The following PTPRT variants were observed in gnomAD, a reference collection of about 807,000 sequenced individuals.
PTPRT encodes the protein receptor-type tyrosine-protein phosphatase T.
In PTPRT, 56 loss-of-function variants were observed where a neutral mutation model predicts 176.8. The ratio of observed to expected loss-of-function variants is 0.32; its 90% CI spans 0.26 to 0.40. The LOEUF is 0.40. PTPRT is among the 10% of genes least tolerant of loss of function. The pLI is 1.00. For missense variants in PTPRT, 1,540 were observed against 1,908.2 expected (o/e 0.81, Z 3.60); for synonymous variants, 783 against 739.0 (o/e 1.06, Z -0.96).
At chr20:43,031,951 T>C (rs533473371) in intron 1 of PTPRT, among the ~76,000 whole-genome samples, 1 of 152,178 alleles carries the variant, frequency 6.6e-6, no homozygotes, top group Admixed American at 6.5e-5. Flanking sequence ...CCTGCCCCAG[T>C]CAAGGCAGAA....
chr20:42,975,921 C>T (rs1210864420), intron 1 of PTPRT, among the ~76,000 whole-genome samples: 1 of 148,960 alleles, frequency 6.7e-6, no homozygotes, highest in East Asian at 1.9e-4. Context: ...AACTTACCCC[C>T]CCACCAAAAA....
At chr20:42,383,777 T>C (rs1386846896) in intron 9 of PTPRT, among the ~76,000 whole-genome samples, 1 of 152,184 alleles carries the variant, frequency 6.6e-6, no homozygotes, top group African/African-American at 2.4e-5. Flanking sequence ...AGATGTGACA[T>C]CTTGAGTTTA....
At chr20:42,647,700 AAGGCTGG>A (rs147176552) in intron 7 of PTPRT, among the ~76,000 whole-genome samples, 1 of 152,270 alleles carries the variant, frequency 6.6e-6, no homozygotes, top group East Asian at 1.9e-4. Context: ...TGGGAGACAC[AAGGCTGG>A]AGGATGTGTC....
intron 4 of PTPRT, among the ~76,000 whole-genome samples, chr20:42,777,302 C>T (rs150257877): frequency 5.3e-5 from 8 of 152,284 alleles, no homozygotes; most frequent in Admixed American, 5.2e-4. Flanking sequence ...GCCCTGTATG[C>T]TCAGGACATG....
intron 7 of PTPRT, among the ~76,000 whole-genome samples, chr20:42,553,069 C>T (rs946750294): frequency 1.3e-5 from 2 of 152,068 alleles, no homozygotes; most frequent in Non-Finnish European, 2.9e-5. Context: ...TTTCACTTGG[C>T]AACTCTACTT....
At chr20:43,022,794 G>T (rs1568738595) in intron 1 of PTPRT, among the ~76,000 whole-genome samples, 1 of 152,208 alleles carries the variant, frequency 6.6e-6, no homozygotes, top group African/African-American at 2.4e-5. Context: ...CTGTGTGGGA[G>T]GGTGAGATGC....
At chr20:42,714,889 T>G in intron 6 of PTPRT, among the ~76,000 whole-genome samples, 1 of 152,130 alleles carries the variant, frequency 6.6e-6, no homozygotes, top group East Asian at 1.9e-4. Flanking sequence ...TTGGCTGGCC[T>G]GCATATTTGC....
chr20:42,406,282 A>G lies in PTPRT; in HGVS notation c.1560+41938T>C, dbSNP rs534642095. On this transcript the variant is annotated intron_variant, in intron 9 of 30. Coordinates refer to ENST00000373187, the MANE Select transcript of PTPRT (RefSeq NM_007050.6). The stretch of plus-strand genomic sequence containing the variant: ...ATCAAAGGTCGTCCTTTGAAAAAAC[A>G]TGGTACATTTGGTGAAGCAAATGAA... 7.9e-5 allele frequency among the ~76,000 whole-genome samples: 12 copies of G among 152,206 alleles called. No individual in the cohort carries two copies. In the South Asian group the frequency reaches 1.9e-3, roughly 24 times the overall value.
intron 7 of PTPRT, among the ~76,000 whole-genome samples, chr20:42,618,729 T>G (rs1191470556): frequency 8.2e-5 from 11 of 134,498 alleles, no homozygotes; most frequent in African/African-American, 3.5e-4. Context: ...TTTGTTGGTT[T>G]AAAGTCTGTT....
At chr20:43,013,624 A>G (rs1000044698) in intron 1 of PTPRT, among the ~76,000 whole-genome samples, 1 of 152,204 alleles carries the variant, frequency 6.6e-6, no homozygotes, top group African/African-American at 2.4e-5. Flanking sequence ...CACAGAGACA[A>G]CAGCAATTCA....
At chr20:42,086,254 T>G (rs965900098) in intron 27 of PTPRT, among the ~76,000 whole-genome samples, 1 of 152,164 alleles carries the variant, frequency 6.6e-6, no homozygotes, top group Non-Finnish European at 1.5e-5. Flanking sequence ...CAAGCTTTTT[T>G]TATGGCTGGA....
intron 1 of PTPRT, among the ~76,000 whole-genome samples, chr20:42,984,864 G>GAATGAATGCATAGCATGTGGTAA (rs1167494783): frequency 6.6e-6 from 1 of 152,206 alleles, no homozygotes; most frequent in African/African-American, 2.4e-5. Context: ...ACAGTTAAAG[G>GAATGAATGCATAGCATGTGGTAA]AATGAATGCA....
intron 6 of PTPRT, among the ~76,000 whole-genome samples, chr20:42,741,955 A>G (rs2076617140): frequency 6.6e-6 from 1 of 152,204 alleles, no homozygotes; most frequent in Non-Finnish European, 1.5e-5. Context: ...ATGCAAATAT[A>G]TCTGAAAAAG....
At chr20:42,042,883 G>A in the PTPRT span, among the ~76,000 whole-genome samples, 4 of 152,242 alleles carry the variant, frequency 2.6e-5, no homozygotes, top group African/African-American at 9.6e-5. Flanking sequence ...CCTCCATGGG[G>A]ATGGGCACCC....
At chr20:43,057,647 T>C (rs372616087) in intron 1 of PTPRT, among the ~76,000 whole-genome samples, 31 of 152,352 alleles carry the variant, frequency 2.0e-4, no homozygotes, top group African/African-American at 7.0e-4. Context: ...AGGAACTCTG[T>C]ACTATGTTTG....
rs2074088842 is a variant in PTPRT at position 42,616,806 on chromosome 20, T to C, written c.1153+61060A>G. ...TTGATTTTGTATCCTGAGAATTTGCTGAAGTTGCTTAACAGCTTAAGGAGA... is the reference window on the plus strand; with the variant it reads ...TTGATTTTGTATCCTGAGAATTTGCCGAAGTTGCTTAACAGCTTAAGGAGA... On this transcript the variant is annotated intron_variant, in intron 7 of 30. Transcript: ENST00000373187. Among the ~76,000 whole-genome samples the C allele has an allele frequency of 1.5e-5, 2 of 137,316 alleles. 1 individual carries two copies. The highest frequency in any genetic ancestry group is 3.0e-5 in the Non-Finnish European group (2 of 65,654). 90.1% of individuals were successfully genotyped at this position (137,316 alleles called of 152,430 possible).
chr20:42,547,053 C>A (rs2072688974), intron 7 of PTPRT, among the ~76,000 whole-genome samples: 1 of 152,034 alleles, frequency 6.6e-6, no homozygotes, highest in South Asian at 2.1e-4. Context: ...TTCAGGGTTG[C>A]CACAAACCTT....
At chr20:42,088,944 A>T (rs921963717) in intron 27 of PTPRT, among the ~76,000 whole-genome samples, 5 of 152,226 alleles carry the variant, frequency 3.3e-5, no homozygotes, top group Non-Finnish European at 7.3e-5. Context: ...CAAAAATAAT[A>T]ATAGTAATAG....
chr20:42,195,094 A>G (rs1991157652), intron 16 of PTPRT, among the ~76,000 whole-genome samples: 1 of 152,208 alleles, frequency 6.6e-6, no homozygotes, highest in Non-Finnish European at 1.5e-5. Context: ...AACATGGTAC[A>G]TGTATACATA....
Sources: gnomAD v4.1 joint callset for allele counts (sites outside exome capture counted in the v4.1 genomes callset) on GRCh38, gnomAD v4.1.1 for gene constraint, MANE v1.5 for transcripts, NCBI Gene and HGNC (gene_info 2026-07-23, HGNC 2026-07-21) for gene names.